ADAR: variants seen among roughly 807,000 people sequenced by gnomAD.
ADAR encodes adenosine deaminase RNA specific.
ADAR carries 41 observed loss-of-function variants against 113.2 expected under a neutral mutation model. The ratio of observed to expected loss-of-function variants is 0.36; its 90% CI spans 0.28 to 0.47. The LOEUF is 0.47. Ranked by LOEUF, ADAR falls within the 20% of genes least tolerant of loss-of-function variation. The pLI, the probability that ADAR is intolerant of heterozygous loss-of-function variation, is 1.00. For missense variants in ADAR, 1,242 were observed against 1,540.9 expected, an observed-to-expected ratio of 0.81 and a Z score of 3.25; for synonymous variants, 605 against 572.6, an observed-to-expected ratio of 1.06 and a Z score of -0.81.
intron 6 of ADAR, among the ~76,000 whole-genome samples, chr1:154,590,801 AAAT>A (rs1384597410): frequency 2.3e-5 from 3 of 128,940 alleles, no homozygotes; most frequent in Non-Finnish European, 5.4e-5. Flanking sequence ...AAAAAAAAAA[AAAT>A]TTAGCTGGGC....
intron 9 of ADAR, among the ~76,000 whole-genome samples, chr1:154,588,948 T>C (rs554339116): frequency 1.3e-5 from 2 of 152,214 alleles, no homozygotes; most frequent in African/African-American, 4.8e-5. Flanking sequence ...CAGGAAGCTG[T>C]TGCTCCTTTC....
intron 9 of ADAR, 146 bp from the exon 10 acceptor site, chr1:154,588,819 G>A (rs1278130935): frequency 2.6e-6 from 3 of 1,167,344 alleles, no homozygotes; most frequent in Non-Finnish European, 3.8e-6. Flanking sequence ...TTCTCCAGGG[G>A]AGACCTCAGC....
intron 1 of ADAR, among the ~76,000 whole-genome samples, chr1:154,605,161 T>C (rs1698111052): frequency 6.6e-6 from 1 of 152,200 alleles, no homozygotes; most frequent in Admixed American, 6.5e-5. Context: ...CTTAAATGTG[T>C]TTTCTTCCAG....
chr1:154,609,567 T>A (rs999363524), upstream of ADAR, among the ~76,000 whole-genome samples: 2 of 152,162 alleles, frequency 1.3e-5, no homozygotes, highest in African/African-American at 2.4e-5. Context: ...CGGCTTCCCG[T>A]GAATCAACCT....
upstream of ADAR, among the ~76,000 whole-genome samples, chr1:154,609,489 G>C (rs1698407969): frequency 6.6e-6 from 1 of 152,176 alleles, no homozygotes; most frequent in Non-Finnish European, 1.5e-5. Flanking sequence ...TTCCCTTGCA[G>C]GCTGGGCTCT....
chr1:154,594,328 C>T (rs559222758), intron 6 of ADAR, among the ~76,000 whole-genome samples: 1 of 152,278 alleles, frequency 6.6e-6, no homozygotes, highest in Non-Finnish European at 1.5e-5. Flanking sequence ...AAAAGTGTCC[C>T]TCCTTCCCCA....
At chr1:154,593,201 G>C (rs1164868391) in intron 6 of ADAR, among the ~76,000 whole-genome samples, 1 of 146,834 alleles carries the variant, frequency 6.8e-6, no homozygotes, top group Non-Finnish European at 1.5e-5. Context: ...AGCCACAGTA[G>C]ACAGAAAGGA....
chr1:154,588,506 C>A (rs1557868386), intron 10 of ADAR, 45 bp downstream of exon 10: 2 of 1,610,570 alleles, frequency 1.2e-6, no homozygotes, highest in Admixed American at 3.3e-5. Context: ...CCAATTCTAA[C>A]AGCCTGGCAG....
chr1:154,586,388 C>A, intron 11 of ADAR, 25 bp from the exon 12 acceptor site: 1 of 1,612,210 alleles, frequency 6.2e-7, no homozygotes, highest in Non-Finnish European at 8.5e-7. Context: ...TGGGTCAGAC[C>A]CACAGGCGCC....
At chr1:154,611,054 C>T (rs1698472038), upstream of ADAR, among the ~76,000 whole-genome samples, 1 of 152,090 alleles carries the variant, frequency 6.6e-6, no homozygotes, top group African/African-American at 2.4e-5. Context: ...CAAACAAGAA[C>T]CACAACAAAC....
rs116323753 is a variant in ADAR, at chr1:154,613,726, G to T, written c.-870-11100C>A. Among the ~76,000 whole-genome samples the T allele has an allele frequency of 9.8e-3, 1,484 of 152,136 alleles. 28 individuals are homozygous for T. The highest frequency in any genetic ancestry group is 0.034 in the African/African-American group (1,425 of 41,508). On this transcript the variant is annotated intron_variant, in intron 1 of 14. Coordinates refer to the ADAR transcript ENST00000368471. ...TCGAGACCCGCCTGACTAACATAGAGAAACTCCGTCTTTACTAAAAATACA... is the reference window on the plus strand; with the variant it reads ...TCGAGACCCGCCTGACTAACATAGATAAACTCCGTCTTTACTAAAAATACA...
At chr1:154,596,767 CT>C (rs1697525671) in intron 6 of ADAR, 37 bp downstream of exon 6, 1 of 1,610,176 alleles carries the variant, frequency 6.2e-7, no homozygotes, top group African/African-American at 1.3e-5. Flanking sequence ...CCATCCCCAA[CT>C]GGTGACACAT....
At position 154,586,310 on chromosome 1, in the gene ADAR, T is replaced by C. The variant is rs1452755052; in HGVS notation, c.3073A>G (p.Ile1025Val). The C allele has an allele frequency of 1.2e-6, 2 of 1,614,234 alleles. No homozygotes were observed. Among genetic ancestry groups the C allele is most frequent in the African/African-American group, 1.3e-5 (1 of 75,060 alleles). ...SSDIVPTWDG[I>V]RLGERLRTMS... The stretch of plus-strand genomic sequence containing the variant: ...GTACGGAGTCTCTCCCCGAGCCGAA[T>C]GCCATCCCACGTAGGCACAATGTCA... The change falls in exon 12 of 15, where the codon ATT (isoleucine) becomes GTT (valine). Residue 1025 changes from isoleucine to valine, a missense_variant. Physicochemically the swap from Ile to Val is conservative, Grantham distance 29. Coordinates refer to ENST00000368474, the MANE Select transcript of ADAR (RefSeq NM_001111.5).
intron 1 of ADAR, among the ~76,000 whole-genome samples, chr1:154,614,077 GAT>G (rs1156558147): frequency 6.6e-6 from 1 of 151,964 alleles, no homozygotes; most frequent in Non-Finnish European, 1.5e-5. Flanking sequence ...ATATAATAAA[GAT>G]ATAACATTTG....
At chr1:154,618,570 G>C (rs1010377145) in intron 1 of ADAR, among the ~76,000 whole-genome samples, 1 of 152,162 alleles carries the variant, frequency 6.6e-6, no homozygotes, top group Non-Finnish European at 1.5e-5. Flanking sequence ...TATAAAGCAA[G>C]GGTAGAGCTT....
rs1697933570 is a variant in ADAR, at chr1:154,602,246, T to C, written c.396A>G (p.Glu132=). The change falls in exon 2 of 15, where the codon GAA becomes GAG. Residue 132 remains glutamate, a synonymous_variant. Coordinates refer to ENST00000368474, the MANE Select transcript of ADAR (RefSeq NM_001111.5). ...GTTCCTGATCTTGGTAGATACTCAG[T>C]TCCTGGAAATGTGAGGAAAGGCAAT... ...GVDCLSSHFQ[E]LSIYQDQEQR... The C allele has an allele frequency of 2.5e-6, 4 of 1,614,174 alleles. No individual in the cohort carries two copies. The highest frequency in any genetic ancestry group is 2.5e-6 in the Non-Finnish European group (3 of 1,180,006).
rs1037612545 is a variant in ADAR at position 154,584,518 on chromosome 1, G to A, written c.*288C>T. 1.8e-5 allele frequency: 7 copies of A among 398,230 alleles called. No individual in the cohort carries two copies. Among genetic ancestry groups the A allele is most frequent in the East Asian group, 4.6e-5 (1 of 21,928 alleles). 24.7% of individuals were successfully genotyped at this position (398,230 alleles called of 1,614,324 possible). A position where few individuals can be genotyped will look rare whatever the true frequency, so the allele number is the denominator to read the frequency against. On this transcript the variant is annotated 3_prime_UTR_variant, in exon 15 of 15. Coordinates refer to ENST00000368474, the MANE Select transcript of ADAR (RefSeq NM_001111.5). The stretch of plus-strand genomic sequence containing the variant: ...CAAAACTTTTAAGAGGAAATGGACC[G>A]CAGGTGCTCAGTGACTATGTATGCT...
upstream of ADAR, among the ~76,000 whole-genome samples, chr1:154,609,631 A>G (rs1307704423): frequency 6.6e-6 from 1 of 152,062 alleles, no homozygotes; most frequent in East Asian, 1.9e-4. Flanking sequence ...GAGGAGGGGG[A>G]GCAGGTGCTG....
Position 154,601,288 on chromosome 1 carries a change from C to G in ADAR, c.1354G>C (p.Gly452Arg). 6.2e-7 allele frequency: 1 copy of G among 1,614,196 alleles called. No homozygotes were observed. Among genetic ancestry groups the G allele is most frequent in the Non-Finnish European group, 8.5e-7 (1 of 1,180,034 alleles). Residue 452 changes from glycine (G) to arginine (R), a missense_variant, in exon 2 of 15, where the codon GGC becomes CGC. This residue lies in a region of ADAR where 780 missense variants were observed against 1,057.9 expected (regional missense o/e 0.74). Coordinates refer to ENST00000368474, the MANE Select transcript of ADAR (RefSeq NM_001111.5). This position sits in a 1 kb window ranked among gnomAD's most constrained non-coding sequence, Gnocchi z 4.7. Reference protein sequence around the residue: ...SKAGYVDFENGQWATDDIPDD... With the variant: ...SKAGYVDFENRQWATDDIPDD... The stretch of plus-strand genomic sequence containing the variant: ...GGGATGTCATCTGTGGCCCACTGGC[C>G]ATTTTCAAAGTCAACATACCCTGCT...
Sources: allele counts gnomAD v4.1 joint callset (sites outside exome capture counted in the v4.1 genomes callset), GRCh38; gene constraint gnomAD v4.1.1; regional missense constraint gnomAD v4.1.1; non-coding constraint Gnocchi (gnomAD v3.1); transcripts MANE v1.5; gene names NCBI Gene and HGNC (gene_info 2026-07-23, HGNC 2026-07-21).